The following CCDC61 variants were observed in gnomAD, a reference collection of about 807,000 sequenced individuals.
CCDC61 encodes coiled-coil domain containing 61.
Under a neutral mutation model 63.0 loss-of-function variants are expected in CCDC61, and 55 were observed. The ratio of observed to expected loss-of-function variants is 0.87; its 90% CI spans 0.70 to 1.09. The LOEUF (loss-of-function observed/expected upper bound fraction) is 1.09. Ranked by LOEUF, CCDC61 falls within the 50% of genes least tolerant of loss-of-function variation. The pLI, the probability that CCDC61 is intolerant of heterozygous loss-of-function variation, is 0.00. For missense variants in CCDC61, 651 were observed against 731.4 expected, an observed-to-expected ratio of 0.89 and a Z score of 1.27; for synonymous variants, 270 against 317.0, an observed-to-expected ratio of 0.85 and a Z score of 1.58.
Position 46,015,926 on chromosome 19 carries a change from C to T in CCDC61, c.846-128C>T. On this transcript the variant is annotated intron_variant, in intron 7 of 13. Coordinates refer to ENST00000595358, the MANE Select transcript of CCDC61 (RefSeq NM_001267723.2). The surrounding 1 kb of genome is among the most constrained non-coding windows in gnomAD (Gnocchi z 5.3). ...GGAAGATATCGAGAGGGTCATGGGC[C>T]CAGGAGTGCACGTCTAGGAGTTGAT... 2.6e-6 allele frequency: 2 copies of T among 774,156 alleles called. No homozygotes were observed. The highest frequency in any genetic ancestry group is 8.7e-5 in the Admixed American group (2 of 22,936). The allele number at this position is 774,156 out of a possible 1,614,324, so 48.0% of individuals were successfully genotyped here. A position where few individuals can be genotyped will look rare whatever the true frequency, so the allele number is the denominator to read the frequency against.
At position 46,018,411 on chromosome 19, in the gene CCDC61, C is replaced by G; in HGVS notation, c.*24C>G. On this transcript the variant is annotated 3_prime_UTR_variant, in exon 14 of 14. Coordinates refer to ENST00000595358, the MANE Select transcript of CCDC61 (RefSeq NM_001267723.2). The surrounding 1 kb of genome is among the most constrained non-coding windows in gnomAD (Gnocchi z 4.2). ...AACGTGGAGAAGGGGTACTACCCCT[C>G]CATCCCCCACCCACTTGCTGGGTAT... 4 of 1,517,818 alleles carry G rather than the reference C, an allele frequency of 2.6e-6. No individual in the cohort carries two copies. The highest frequency in any genetic ancestry group is 3.6e-6 in the Non-Finnish European group (4 of 1,116,264). 94.0% of individuals were successfully genotyped at this position (1,517,818 alleles called of 1,614,324 possible).
intron 11 of CCDC61, 62 bp downstream of exon 11, chr19:46,017,131 T>A: frequency 6.4e-7 from 1 of 1,562,630 alleles, no homozygotes; most frequent in African/African-American, 1.4e-5. Flanking sequence ...CTAGAAACAG[T>A]CTTTTGCAGG....
chr19:46,005,493 G>A (rs1298561824), intron 3 of CCDC61, among the ~76,000 whole-genome samples: 7 of 151,958 alleles, frequency 4.6e-5, no homozygotes, highest in Admixed American at 4.6e-4. Flanking sequence ...GGTTCACTAA[G>A]TTGTGCAGAT....
Position 46,015,421 on chromosome 19 carries a change from A to G in CCDC61, c.839A>G (p.Lys280Arg), listed in dbSNP as rs773457660. The G allele has an allele frequency of 6.3e-6, 10 of 1,593,760 alleles. No homozygotes were observed. The highest frequency in any genetic ancestry group is 5.0e-5 in the Admixed American group (3 of 59,434). Reference sequence around the variant, plus strand: ...CTGACCAGCGAGCTGGCATTGTACAAGAGGGGGTGAGAGCGAGGCCTGCCA... The same window carrying G: ...CTGACCAGCGAGCTGGCATTGTACAGGAGGGGGTGAGAGCGAGGCCTGCCA... ...KTLTSELALYKRGRRTPPVQP... is the reference protein window; with the variant it reads ...KTLTSELALYRRGRRTPPVQP... Residue 280 changes from lysine (K) to arginine (R), a missense_variant, in exon 7 of 14, where the codon AAG becomes AGG. Coordinates refer to ENST00000595358, the MANE Select transcript of CCDC61 (RefSeq NM_001267723.2). The surrounding 1 kb of genome is among the most constrained non-coding windows in gnomAD (Gnocchi z 5.3).
At chr19:46,009,337 T>A (rs921578281) in intron 5 of CCDC61, among the ~76,000 whole-genome samples, 33 of 152,136 alleles carry the variant, frequency 2.2e-4, no homozygotes, top group African/African-American at 8.0e-4. Flanking sequence ...GGAAGAGGCC[T>A]GGCTCGTTGG....
At chr19:45,995,982 G>A (rs377161074) in intron 1 of CCDC61, among the ~76,000 whole-genome samples, 4 of 152,190 alleles carry the variant, frequency 2.6e-5, no homozygotes, top group East Asian at 1.9e-4. Context: ...CGTTTGCTAT[G>A]TGCTGTGCAC....
chr19:46,018,000 A>G, intron 12 of CCDC61, 78 bp from the exon 13 acceptor site: 1 of 1,318,308 alleles, frequency 7.6e-7, no homozygotes, highest in Non-Finnish European at 1.0e-6. Flanking sequence ...CCTTAGGCTC[A>G]GGATTTCCAG....
Position 46,017,991 on chromosome 19 carries a change from C to A in CCDC61, c.1369-87C>A, listed in dbSNP as rs1968982275. ...TCAGGCCTTATTTTTCCCCAAGGTC[C>A]TTAGGCTCAGGATTTCCAGTGGGAT... is the stretch of plus-strand genomic sequence containing the variant. On this transcript the variant is annotated intron_variant, in intron 12 of 13. Transcript: ENST00000595358. 5.6e-6 allele frequency: 7 copies of A among 1,248,456 alleles called. No homozygotes were observed. In the South Asian group the frequency reaches 1.0e-4, roughly 19 times the overall value. 77.3% of individuals were successfully genotyped at this position (1,248,456 alleles called of 1,614,324 possible).
At chr19:46,007,723 C>T (rs1240650232) in intron 4 of CCDC61, among the ~76,000 whole-genome samples, 4 of 152,230 alleles carry the variant, frequency 2.6e-5, no homozygotes, top group Admixed American at 6.5e-5. Flanking sequence ...AATAGCATCT[C>T]ATGGGGCCGT....
intron 12 of CCDC61, 89 bp downstream of exon 12, chr19:46,017,393 C>G (rs868733241): frequency 4.0e-6 from 5 of 1,256,076 alleles, no homozygotes; most frequent in African/African-American, 1.5e-5. Context: ...AGAGGCGACT[C>G]TGAATGCCTT....
chr19:45,996,516 A>G (rs1409404971), intron 1 of CCDC61: 3 of 145,536 alleles, frequency 2.1e-5, no homozygotes, highest in Non-Finnish European at 3.0e-5. Context: ...TGAAACCTCC[A>G]CTTCCCAGAT....
At chr19:46,017,647 C>A (rs890482782) in intron 12 of CCDC61, among the ~76,000 whole-genome samples, 6 of 152,136 alleles carry the variant, frequency 3.9e-5, no homozygotes, top group Non-Finnish European at 5.9e-5. Context: ...CCATCCTCAG[C>A]CTCCTACAGC....
chr19:45,999,432 C>T (rs769631951), intron 1 of CCDC61, among the ~76,000 whole-genome samples: 4 of 151,832 alleles, frequency 2.6e-5, no homozygotes, highest in Admixed American at 6.6e-5. Context: ...GAATGTGGGG[C>T]GGAGGGCTGC....
intron 5 of CCDC61, among the ~76,000 whole-genome samples, chr19:46,008,913 G>C (rs541107018): frequency 6.6e-6 from 1 of 152,314 alleles, no homozygotes; most frequent in African/African-American, 2.4e-5. Flanking sequence ...ATGTGCAAAG[G>C]TTGGGGGGAG....
At chr19:46,000,946 C>T (rs1043136708) in intron 1 of CCDC61, among the ~76,000 whole-genome samples, 1 of 151,680 alleles carries the variant, frequency 6.6e-6, no homozygotes, top group South Asian at 2.1e-4. Flanking sequence ...TGGCGGGCCC[C>T]CTTCCTCTGT....
At position 46,006,618 on chromosome 19, in the gene CCDC61, C is replaced by T. The variant is rs373235410; in HGVS notation, c.291C>T (p.Asn97=). ...LTYTDLESLR[N]RKMGGRPGSL... is the part of the protein sequence containing the mutation. ...ACACAGACCTGGAGTCCCTGCGGAA[C>T]CGCAAGATGGGGGGCCGCCCAGGCT... The change falls in exon 4 of 14, where the codon AAC becomes AAT. Residue 97 remains asparagine, a synonymous_variant. Transcript: ENST00000595358. 1 of 1,613,812 alleles carries T rather than the reference C, an allele frequency of 6.2e-7. No individual in the cohort carries two copies. The highest frequency in any genetic ancestry group is 8.5e-7 in the Non-Finnish European group (1 of 1,179,802).
At position 46,016,265 on chromosome 19, in the gene CCDC61, G is replaced by A. The variant is rs1261838916; in HGVS notation, c.1015+42G>A. On this transcript the variant is annotated intron_variant, in intron 8 of 13. Coordinates refer to ENST00000595358, the MANE Select transcript of CCDC61 (RefSeq NM_001267723.2). The surrounding 1 kb of genome is among the most constrained non-coding windows in gnomAD (Gnocchi z 7.2). ...TGCGGTAGGGAGGGGACGCACTGGC[G>A]CTGCCAAGGCCCGTCTCCGGACCTA... 6.2e-7 allele frequency: 1 copy of A among 1,603,364 alleles called. No individual in the cohort carries two copies. Among genetic ancestry groups the A allele is most frequent in the Non-Finnish European group, 8.5e-7 (1 of 1,174,818 alleles).
chr19:46,001,792 A>G (rs2146456029), intron 1 of CCDC61, among the ~76,000 whole-genome samples: 1 of 152,330 alleles, frequency 6.6e-6, no homozygotes, highest in South Asian at 2.1e-4. Flanking sequence ...ATGAACTTGC[A>G]AAAGGTTTTG....
chr19:46,018,239 C>T lies in CCDC61; in HGVS notation c.1442-51C>T. On this transcript the variant is annotated intron_variant, in intron 13 of 13. Transcript: ENST00000595358. The surrounding 1 kb of genome is among the most constrained non-coding windows in gnomAD (Gnocchi z 4.2). ...AGTGGTATATTGGGCCCAGGAACTC[C>T]CTGGGGCTTCAGGCCCCTCACAGCC... The T allele has an allele frequency of 3.2e-6, 5 of 1,546,316 alleles. No individual in the cohort carries two copies. The South Asian group carries it at 4.7e-5, about 15-fold the overall frequency.
Sources: allele counts gnomAD v4.1 joint callset (sites outside exome capture counted in the v4.1 genomes callset), GRCh38; gene constraint gnomAD v4.1.1; non-coding constraint Gnocchi (gnomAD v3.1); transcripts MANE v1.5; gene names NCBI Gene and HGNC (gene_info 2026-07-23, HGNC 2026-07-21).